Variants in ATAD2B observed in about 807,000 individuals in gnomAD.
ATAD2B encodes the protein ATPase family AAA domain-containing protein 2B.
A neutral mutation model predicts 167.6 loss-of-function variants in ATAD2B; 40 were observed. The observed-to-expected ratio is 0.24, with a 90% CI of 0.19 to 0.31. The LOEUF (loss-of-function observed/expected upper bound fraction) is 0.31, where lower values mean the gene tolerates loss of function less well. Among genes scored for constraint, ATAD2B ranks in the 10% least tolerant of loss-of-function variants. The pLI is 1.00. For synonymous variants in ATAD2B, 579 were observed against 596.5 expected, an observed-to-expected ratio of 0.97 and a Z score of 0.43; for missense variants, 1,242 against 1,757.2, an observed-to-expected ratio of 0.71 and a Z score of 5.24.
At chr2:23,733,283 T>C in the ATAD2B span, among the ~76,000 whole-genome samples, 5 of 152,320 alleles carry the variant, frequency 3.3e-5, no homozygotes, top group East Asian at 9.7e-4. Flanking sequence ...CTTACTGACC[T>C]GCACTGGAGC....
At chr2:23,706,717 C>A in the ATAD2B span, 1 of 1,321,142 alleles carries the variant, frequency 7.6e-7, no homozygotes, top group Non-Finnish European at 1.0e-6. Context: ...GAGGCAAGTG[C>A]CACGCAATGA....
rs563660819 is a variant in ATAD2B at position 23,769,786 on chromosome 2, G to A, written c.3134-4158C>T. 8.0e-4 allele frequency among the ~76,000 whole-genome samples: 119 copies of A among 148,538 alleles called. 1 individual carries two copies. The highest frequency in any genetic ancestry group is 2.9e-3 in the African/African-American group (116 of 40,308). ...GCTGGAGTGCAGTGGCATAATCTGG[G>A]CTCACTGCATCCTCTGCCTCCTGAG... On this transcript the variant is annotated intron_variant, in intron 22 of 27. Transcript: ENST00000238789.
intron 6 of ATAD2B, among the ~76,000 whole-genome samples, chr2:23,882,353 G>A (rs1698042145): frequency 6.6e-6 from 1 of 151,774 alleles, no homozygotes; most frequent in African/African-American, 2.4e-5. Flanking sequence ...GCACCACAAT[G>A]CCCGGCTAAT....
chr2:23,811,413 T>C (rs1389643627), intron 17 of ATAD2B: 1 of 152,328 alleles, frequency 6.6e-6, no homozygotes, highest in African/African-American at 2.4e-5. Flanking sequence ...CAAGGCATCA[T>C]CTTAGAGGCA....
At chr2:23,758,907 T>C (rs1676284328) in intron 24 of ATAD2B, among the ~76,000 whole-genome samples, 1 of 152,210 alleles carries the variant, frequency 6.6e-6, no homozygotes, top group Non-Finnish European at 1.5e-5. Context: ...GAAACTATCA[T>C]GAGCTTTATG....
Position 23,827,004 on chromosome 2 carries a change from A to G in ATAD2B, c.1819+1845T>C, listed in dbSNP as rs570829576. On this transcript the variant is annotated intron_variant, in intron 15 of 27. Transcript: ENST00000238789. ...GAACTGAACCTATTCATGTTAAAAC[A>G]TGTTTGGCATACACAGACTAGTGAG... is the stretch of plus-strand genomic sequence containing the variant. Among the ~76,000 whole-genome samples the G allele has an allele frequency of 1.5e-3, 230 of 152,270 alleles. 1 individual carries two copies. The highest frequency in any genetic ancestry group is 0.014 in the Middle Eastern group (4 of 294).
intron 19 of ATAD2B, 22 bp downstream of exon 19, chr2:23,798,116 T>C (rs899801405): frequency 1.5e-6 from 2 of 1,370,076 alleles, no homozygotes; most frequent in Non-Finnish European, 2.0e-6. Context: ...TAAGGAAAGA[T>C]AAATATTTAA....
intron 18 of ATAD2B, among the ~76,000 whole-genome samples, chr2:23,808,047 A>ATATAACTATAAAT (rs1405703886): frequency 6.8e-5 from 9 of 132,146 alleles, no homozygotes; most frequent in Non-Finnish European, 1.1e-4. Context: ...ATTTATTTAT[A>ATATAACTATAAAT]TATAAGTAAC....
At position 23,926,591 on chromosome 2, in the gene ATAD2B, TC is replaced by T. The variant is rs1235686598; in HGVS notation, c.179del (p.Gly60GlufsTer21). 1.3e-6 allele frequency: 2 copies of T among 1,559,518 alleles called. No individual in the cohort carries two copies. Among genetic ancestry groups the T allele is most frequent in the Non-Finnish European group, 8.7e-7 (1 of 1,153,456 alleles). On this transcript the variant is annotated frameshift_variant, in exon 1 of 28. Transcript: ENST00000238789. LOFTEE classifies it high-confidence loss of function. The part of the protein sequence containing the change: ...AASCPAAKAG[G>X]SGGAGVTLDE... The stretch of plus-strand genomic sequence containing the variant: ...CCAGAGTGACGCCGGCGCCACCGCT[TC>T]CCCCGGCTTTGGCGGCGGGGCAGCT...
chr2:23,706,460 G>T, the ATAD2B span: 56 of 1,446,466 alleles, frequency 3.9e-5, no homozygotes, highest in Non-Finnish European at 5.1e-5. Flanking sequence ...GCCTAACTCT[G>T]TCCCCGCTTT....
At chr2:23,898,920 G>A (rs1700451366) in intron 1 of ATAD2B, among the ~76,000 whole-genome samples, 1 of 152,060 alleles carries the variant, frequency 6.6e-6, no homozygotes, top group South Asian at 2.1e-4. Context: ...AGGCCGAGGC[G>A]GGTGGATCAC....
At chr2:23,894,824 A>G (rs1280909773) in intron 2 of ATAD2B, among the ~76,000 whole-genome samples, 1 of 152,204 alleles carries the variant, frequency 6.6e-6, no homozygotes, top group Non-Finnish European at 1.5e-5. Context: ...ACTATGATTC[A>G]TGTATTTTTC....
chr2:23,790,949 C>A (rs548659127), intron 19 of ATAD2B, among the ~76,000 whole-genome samples: 1 of 152,330 alleles, frequency 6.6e-6, no homozygotes, highest in South Asian at 2.1e-4. Context: ...TCAGGCCTAT[C>A]TGCAGTCAAT....
intron 1 of ATAD2B, among the ~76,000 whole-genome samples, chr2:23,906,817 G>C (rs1235351467): frequency 6.6e-6 from 1 of 151,748 alleles, no homozygotes; most frequent in African/African-American, 2.4e-5. Flanking sequence ...TTCAATACAC[G>C]CAAATCAATA....
At chr2:23,848,048 T>C (rs1691966233) in intron 13 of ATAD2B, among the ~76,000 whole-genome samples, 1 of 150,656 alleles carries the variant, frequency 6.6e-6, no homozygotes, top group South Asian at 2.1e-4. Flanking sequence ...AACTTGTCAC[T>C]TGCAGGCCCA....
At chr2:23,777,954 T>C (rs575233130) in intron 22 of ATAD2B, among the ~76,000 whole-genome samples, 1 of 152,318 alleles carries the variant, frequency 6.6e-6, no homozygotes, top group East Asian at 1.9e-4. Context: ...GTCTTCTATG[T>C]ATATGTTAGT....
At chr2:23,841,966 A>G (rs887301552) in intron 13 of ATAD2B, among the ~76,000 whole-genome samples, 12 of 151,972 alleles carry the variant, frequency 7.9e-5, no homozygotes, top group African/African-American at 2.9e-4. Context: ...TTTTTGTGCT[A>G]TTTTTTTCCA....
intron 12 of ATAD2B, among the ~76,000 whole-genome samples, chr2:23,857,884 G>A (rs534151417): frequency 6.6e-6 from 1 of 151,532 alleles, no homozygotes; most frequent in African/African-American, 2.4e-5. Context: ...TGGGACTACA[G>A]GCGCACACCA....
At chr2:23,762,883 C>T (rs1676925468) in intron 23 of ATAD2B, among the ~76,000 whole-genome samples, 1 of 152,120 alleles carries the variant, frequency 6.6e-6, no homozygotes, top group Non-Finnish European at 1.5e-5. Flanking sequence ...GGTTTTTCTC[C>T]AGGTTCTCTC....
Sources: gnomAD v4.1 joint callset for allele counts (sites outside exome capture counted in the v4.1 genomes callset) on GRCh38, gnomAD v4.1.1 for gene constraint, MANE v1.5 for transcripts, NCBI Gene and HGNC (gene_info 2026-07-23, HGNC 2026-07-21) for gene names.